The following AGAP1 variants were observed in gnomAD, a reference collection of about 807,000 sequenced individuals.
The protein encoded by AGAP1 is arf-GAP with GTPase, ANK repeat and PH domain-containing protein 1.
A neutral mutation model predicts 105.3 loss-of-function variants in AGAP1; 29 were observed. The ratio of observed to expected loss-of-function variants is 0.28; its 90% CI spans 0.21 to 0.38. The LOEUF (loss-of-function observed/expected upper bound fraction) is 0.38. Ranked by LOEUF, AGAP1 falls within the 10% of genes least tolerant of loss-of-function variation. The pLI, the probability that AGAP1 is intolerant of heterozygous loss-of-function variation, is 1.00. For synonymous variants in AGAP1, 509 were observed against 485.9 expected (o/e 1.05, Z -0.63); for missense variants, 998 against 1,165.1 (o/e 0.86, Z 2.09).
chr2:236,013,783 G>T (rs1449130465), intron 13 of AGAP1, among the ~76,000 whole-genome samples: 1 of 152,196 alleles, frequency 6.6e-6, no homozygotes. Flanking sequence ...GGCAGTCCAA[G>T]CCCTCTAGCC....
chr2:235,646,658 G>T (rs1204339730), intron 1 of AGAP1, among the ~76,000 whole-genome samples: 1 of 152,110 alleles, frequency 6.6e-6, no homozygotes, highest in Non-Finnish European at 1.5e-5. Flanking sequence ...CCTGATCTCT[G>T]ACTTCTCCAT....
In AGAP1 at chr2:235,799,281, C is replaced by T; in HGVS notation, c.802-86C>T. On this transcript the variant is annotated intron_variant, in intron 7 of 17. Transcript: ENST00000304032. This position sits in a 1 kb window ranked among gnomAD's most constrained non-coding sequence, Gnocchi z 5.0. ...GCATCCCTTCCATGGGGCTCATGCTCACTTGTTGGTTATGACCTTGCCTAA... is the reference window on the plus strand; with the variant it reads ...GCATCCCTTCCATGGGGCTCATGCTTACTTGTTGGTTATGACCTTGCCTAA... 1.4e-6 allele frequency: 2 copies of T among 1,480,996 alleles called. No homozygotes were observed. The highest frequency in any genetic ancestry group is 1.8e-6 in the Non-Finnish European group (2 of 1,082,880). 91.7% of individuals were successfully genotyped at this position (1,480,996 alleles called of 1,614,324 possible).
chr2:235,602,606 C>A (rs545044748), intron 1 of AGAP1, among the ~76,000 whole-genome samples: 3 of 152,248 alleles, frequency 2.0e-5, no homozygotes, highest in Non-Finnish European at 2.9e-5. Context: ...CTCAGTGTGG[C>A]CATCCCATTC....
rs1576350179 is a variant in AGAP1, at chr2:236,120,128, A to G, written c.2115-64A>G. The G allele has an allele frequency of 5.1e-6, 8 of 1,558,574 alleles. No individual in the cohort carries two copies. The South Asian group carries it at 8.6e-5, about 17-fold the overall frequency. ...TCGGCTTCTCCCGACCACACTGGGC[A>G]GGGGCTGGCAGCCTGTGTTCTCGGG... On this transcript the variant is annotated intron_variant, in intron 16 of 17. Transcript: ENST00000304032. The surrounding 1 kb of genome is among the most constrained non-coding windows in gnomAD (Gnocchi z 6.0).
intron 1 of AGAP1, among the ~76,000 whole-genome samples, chr2:235,677,387 G>A (rs936034097): frequency 1.3e-5 from 2 of 152,130 alleles, no homozygotes; most frequent in Non-Finnish European, 2.9e-5. Context: ...TTGTTTCGGC[G>A]ACTCCTTATC....
intron 13 of AGAP1, among the ~76,000 whole-genome samples, chr2:235,969,090 ACTT>A (rs1314370796): frequency 2.0e-5 from 3 of 152,164 alleles, no homozygotes; most frequent in Non-Finnish European, 2.9e-5. Flanking sequence ...TATGATAAAC[ACTT>A]CTTCTGTTAA....
rs528180088 is a variant in AGAP1, at chr2:236,056,895, C to T, written c.2114+7614C>T. The stretch of plus-strand genomic sequence containing the variant: ...TCCTGTTCCTTTTCTGCCAAATCCA[C>T]GTCAGTAGCGGCATTGGGAGAACCG... On this transcript the variant is annotated intron_variant, in intron 16 of 17. Coordinates refer to ENST00000304032, the MANE Select transcript of AGAP1 (RefSeq NM_001037131.3). This position sits in a 1 kb window ranked among gnomAD's most constrained non-coding sequence, Gnocchi z 4.6. Among the ~76,000 whole-genome samples the T allele has an allele frequency of 2.0e-4, 31 of 152,322 alleles. 1 individual carries two copies. In the South Asian group the frequency reaches 4.1e-3, roughly 20 times the overall value.
chr2:235,718,953 A>G (rs1047688971), intron 3 of AGAP1, among the ~76,000 whole-genome samples: 3 of 152,204 alleles, frequency 2.0e-5, no homozygotes, highest in Non-Finnish European at 4.4e-5. Context: ...TTGTGTCGGA[A>G]TATGAATTTT....
intron 1 of AGAP1, among the ~76,000 whole-genome samples, chr2:235,696,246 A>G (rs1302601482): frequency 6.6e-6 from 1 of 152,116 alleles, no homozygotes; most frequent in Admixed American, 6.5e-5. Flanking sequence ...GGGTTTCTCC[A>G]TGTTGGTCAG....
In AGAP1 at chr2:235,732,721, C is replaced by G. The variant is rs1409101973; in HGVS notation, c.311-8242C>G. Among the ~76,000 whole-genome samples, 1 of 152,174 alleles carries G rather than the reference C, an allele frequency of 6.6e-6. No homozygotes were observed. The highest frequency in any genetic ancestry group is 1.5e-5 in the Non-Finnish European group (1 of 68,032). On this transcript the variant is annotated intron_variant, in intron 3 of 17. Transcript: ENST00000304032. The surrounding 1 kb of genome is among the most constrained non-coding windows in gnomAD (Gnocchi z 4.8). The stretch of plus-strand genomic sequence containing the variant: ...ACATTGTCTTTCCCTGAGACCGATG[C>G]TGACCACTGGGAAGACTTCTCCCTC...
Position 235,633,565 on chromosome 2 carries a change from C to T in AGAP1, c.164-75614C>T, listed in dbSNP as rs1946896777. ...TCAAGATCGCACCATTGCACTCCAGCCTGGGTGACAAGAGCAAGACTCTGT... is the reference window on the plus strand; with the variant it reads ...TCAAGATCGCACCATTGCACTCCAGTCTGGGTGACAAGAGCAAGACTCTGT... On this transcript the variant is annotated intron_variant, in intron 1 of 17. Coordinates refer to ENST00000304032, the MANE Select transcript of AGAP1 (RefSeq NM_001037131.3). This position sits in a 1 kb window ranked among gnomAD's most constrained non-coding sequence, Gnocchi z 4.8. Among the ~76,000 whole-genome samples, 1 of 152,170 alleles carries T rather than the reference C, an allele frequency of 6.6e-6. No homozygotes were observed. The highest frequency in any genetic ancestry group is 2.4e-5 in the African/African-American group (1 of 41,448).
chr2:235,579,240 C>T (rs1007579729), intron 1 of AGAP1, among the ~76,000 whole-genome samples: 2 of 152,198 alleles, frequency 1.3e-5, no homozygotes, highest in African/African-American at 4.8e-5. Flanking sequence ...CTGGCTTCTG[C>T]AGAGCCGGGC....
intron 6 of AGAP1, chr2:235,773,943 T>C (rs1318057383): frequency 2.1e-6 from 1 of 470,418 alleles, no homozygotes; most frequent in East Asian, 6.9e-5. Context: ...CAACTCTTCA[T>C]CTCACCTGCT....
intron 12 of AGAP1, among the ~76,000 whole-genome samples, chr2:235,942,940 T>G (rs572886936): frequency 6.6e-6 from 1 of 152,208 alleles, no homozygotes. Flanking sequence ...AAAAATTCAT[T>G]TAATTAGCTG....
rs6718848 is a variant in AGAP1 at position 235,744,875 on chromosome 2, G to A, written c.538+36G>A. 10,193 of 1,605,930 alleles carry A rather than the reference G, an allele frequency of 6.3e-3. 290 individuals are homozygous for A. In the African/African-American group the frequency reaches 0.068, roughly 11 times the overall value. ...TTCGTGTGCAGATTGTTTTGAAAGG[G>A]TTCTAACAGTTACATATTTTCAGTA... On this transcript the variant is annotated intron_variant, in intron 5 of 17. Coordinates refer to ENST00000304032, the MANE Select transcript of AGAP1 (RefSeq NM_001037131.3). This position sits in a 1 kb window ranked among gnomAD's most constrained non-coding sequence, Gnocchi z 5.2.
chr2:235,528,644 C>G (rs1263774913), intron 1 of AGAP1, among the ~76,000 whole-genome samples: 4 of 152,056 alleles, frequency 2.6e-5, no homozygotes, highest in Admixed American at 1.3e-4. Flanking sequence ...ACCTCTCCAG[C>G]CTTCTCTTGT....
intron 16 of AGAP1, among the ~76,000 whole-genome samples, chr2:236,079,553 TAC>T (rs3030749): frequency 0.31 from 39,497 of 129,274 alleles, 6,059 homozygotes; most frequent in African/African-American, 0.53. Flanking sequence ...TATATATATA[TAC>T]ACACACACAC....
intron 1 of AGAP1, among the ~76,000 whole-genome samples, chr2:235,498,146 A>T (rs1941402087): frequency 6.6e-6 from 1 of 152,214 alleles, no homozygotes; most frequent in Non-Finnish European, 1.5e-5. Context: ...TTTAGTTGAA[A>T]GGCCCACCAA....
rs548688963 is a variant in AGAP1, at chr2:235,904,333, G to A, written c.1156-4405G>A. 1.7e-4 allele frequency among the ~76,000 whole-genome samples: 26 copies of A among 152,166 alleles called. No individual in the cohort carries two copies. Among genetic ancestry groups the A allele is most frequent in the South Asian group, 1.0e-3 (5 of 4,806 alleles). ...CGGAAACAGGTCCCTTTGCTCTGGC[G>A]CCTGCTTGGAAAAAATAAGCCGCAT... On this transcript the variant is annotated intron_variant, in intron 10 of 17. Coordinates refer to ENST00000304032, the MANE Select transcript of AGAP1 (RefSeq NM_001037131.3). The surrounding 1 kb of genome is among the most constrained non-coding windows in gnomAD (Gnocchi z 4.2).
Sources: gnomAD v4.1 joint callset for allele counts (sites outside exome capture counted in the v4.1 genomes callset) on GRCh38, gnomAD v4.1.1 for gene constraint, Gnocchi (gnomAD v3.1) non-coding constraint, MANE v1.5 for transcripts, NCBI Gene and HGNC (gene_info 2026-07-23, HGNC 2026-07-21) for gene names.